PPFIA1: variants seen among roughly 807,000 people sequenced by gnomAD.
PPFIA1 encodes the protein PPFI scaffold protein A1.
A neutral mutation model predicts 149.9 loss-of-function variants in PPFIA1; 25 were observed. The observed-to-expected ratio is 0.17, with a 90% CI of 0.12 to 0.23. The LOEUF (loss-of-function observed/expected upper bound fraction) is 0.23, where lower values mean the gene tolerates loss of function less well. Among genes scored for constraint, PPFIA1 ranks in the 10% least tolerant of loss-of-function variants. The probability of loss-of-function intolerance (pLI) is 1.00; values close to 1 mark genes in which losing one functional copy is unlikely to be tolerated. For synonymous variants in PPFIA1, 549 were observed against 552.8 expected (o/e 0.99, Z 0.10); for missense variants, 1,362 against 1,506.5 (o/e 0.90, Z 1.59).
chr11:70,277,060 A>ATATATATATT lies in PPFIA1; in HGVS notation c.264+4625_264+4626insATATATATTT. 8.4e-4 allele frequency among the ~76,000 whole-genome samples: 56 copies of ATATATATATT among 66,312 alleles called. 1 individual carries two copies. The highest frequency in any genetic ancestry group is 5.5e-3 in the African/African-American group (47 of 8,534). 43.5% of individuals were successfully genotyped at this position (66,312 alleles called of 152,430 possible). A position where few individuals can be genotyped will look rare whatever the true frequency, so the allele number is the denominator to read the frequency against. On this transcript the variant is annotated intron_variant, in intron 2 of 27. Transcript: ENST00000253925. ...GAGATATATATATATATATATATAT[A>ATATATATATT]TTTTTTTTTTTCCAGGCACAGTCTC...
Position 70,284,957 on chromosome 11 carries a change from G to T in PPFIA1, c.264+12521G>T, listed in dbSNP as rs894461255. 3.9e-5 allele frequency among the ~76,000 whole-genome samples: 6 copies of T among 151,974 alleles called. No homozygotes were observed. In the South Asian group the frequency reaches 6.2e-4, roughly 16 times the overall value. Reference sequence around the variant, plus strand: ...CTTTGCGTGCATCGTGGCCTCAGGGGAGGGAATGATGTGATTTAGCTGCGT... The same window carrying T: ...CTTTGCGTGCATCGTGGCCTCAGGGTAGGGAATGATGTGATTTAGCTGCGT... On this transcript the variant is annotated intron_variant, in intron 2 of 27. Coordinates refer to ENST00000253925, the MANE Select transcript of PPFIA1 (RefSeq NM_003626.5).
chr11:70,312,258 A>C (rs2053332937), intron 2 of PPFIA1, among the ~76,000 whole-genome samples: 1 of 152,072 alleles, frequency 6.6e-6, no homozygotes, highest in South Asian at 2.1e-4. Flanking sequence ...TAGTGTGATC[A>C]TAGCTCACTG....
intron 2 of PPFIA1, among the ~76,000 whole-genome samples, chr11:70,309,633 T>TA (rs879503130): frequency 0.016 from 2,196 of 139,680 alleles, 48 homozygotes; most frequent in African/African-American, 0.052. Flanking sequence ...CAGTTTTGCC[T>TA]AAAAAAAAAA....
intron 26 of PPFIA1, among the ~76,000 whole-genome samples, chr11:70,379,335 G>A (rs1348877460): frequency 6.6e-6 from 1 of 152,026 alleles, no homozygotes; most frequent in African/African-American, 2.4e-5. Flanking sequence ...GCACATGCTT[G>A]TAATCCCAGC....
intron 2 of PPFIA1, among the ~76,000 whole-genome samples, chr11:70,318,970 A>C (rs1276038414): frequency 6.6e-6 from 1 of 152,228 alleles, no homozygotes; most frequent in Non-Finnish European, 1.5e-5. Flanking sequence ...TGCATGGAAC[A>C]AAATGATTAT....
chr11:70,367,526 A>G (rs2057004288), intron 21 of PPFIA1: 2 of 455,998 alleles, frequency 4.4e-6, no homozygotes, highest in South Asian at 3.1e-5. Context: ...GCTGGGAGTA[A>G]ACACTGTGCA....
chr11:70,328,547 C>T (rs1197709832), intron 7 of PPFIA1, among the ~76,000 whole-genome samples: 3 of 152,024 alleles, frequency 2.0e-5, no homozygotes, highest in Non-Finnish European at 2.9e-5. Context: ...CATACGTGTG[C>T]GTGTGTCTTT....
At chr11:70,284,039 T>C (rs1326824604) in intron 2 of PPFIA1, 1 of 531,406 alleles carries the variant, frequency 1.9e-6, no homozygotes, top group South Asian at 1.4e-5. Flanking sequence ...GCAATTATTT[T>C]TGCTTCAACC....
In PPFIA1 at chr11:70,340,197, C is replaced by T. The variant is rs2055240202; in HGVS notation, c.1707+891C>T. Among the ~76,000 whole-genome samples the T allele has an allele frequency of 1.3e-5, 2 of 151,460 alleles. 1 individual carries two copies. Among genetic ancestry groups the T allele is most frequent in the Non-Finnish European group, 2.9e-5 (2 of 67,866 alleles). On this transcript the variant is annotated intron_variant, in intron 14 of 27. Coordinates refer to ENST00000253925, the MANE Select transcript of PPFIA1 (RefSeq NM_003626.5). ...TAGTGTGTGCCTATAGTCCCAGCTA[C>T]TCAGGAGGCTGAGGCAGAAGGATCC...
intron 2 of PPFIA1, among the ~76,000 whole-genome samples, chr11:70,306,149 A>G (rs2052831545): frequency 1.3e-5 from 2 of 152,198 alleles, no homozygotes; most frequent in Admixed American, 1.3e-4. Flanking sequence ...TAAAACATGC[A>G]CGCACACATG....
At chr11:70,306,051 CA>C (rs1186976615) in intron 2 of PPFIA1, among the ~76,000 whole-genome samples, 3 of 152,158 alleles carry the variant, frequency 2.0e-5, no homozygotes, top group Non-Finnish European at 2.9e-5. Context: ...AATAGTAAGG[CA>C]GCCCTCATTT....
intron 2 of PPFIA1, among the ~76,000 whole-genome samples, chr11:70,275,370 C>T (rs1482086489): frequency 6.6e-6 from 1 of 152,106 alleles, no homozygotes; most frequent in African/African-American, 2.4e-5. Context: ...TGTTTTTAGA[C>T]TCTTGTGTTT....
chr11:70,372,032 G>T, intron 21 of PPFIA1, 183 bp from the exon 22 acceptor site: 1 of 449,958 alleles, frequency 2.2e-6, no homozygotes. Flanking sequence ...TATTCCTGTT[G>T]TATAAAAATT....
At chr11:70,326,548 A>G (rs762318530) in intron 6 of PPFIA1, 49 bp from the exon 7 acceptor site, 10 of 1,459,740 alleles carry the variant, frequency 6.9e-6, no homozygotes, top group South Asian at 3.6e-5. Flanking sequence ...TTTTTATTTT[A>G]TAGCTCACCA....
At chr11:70,323,468 C>T (rs895511843) in intron 2 of PPFIA1, among the ~76,000 whole-genome samples, 2 of 152,138 alleles carry the variant, frequency 1.3e-5, no homozygotes, top group African/African-American at 2.4e-5. Flanking sequence ...CCCATGACTC[C>T]ACTAGCCAGG....
chr11:70,377,106 C>T (rs1358708143), intron 25 of PPFIA1, among the ~76,000 whole-genome samples: 3 of 151,812 alleles, frequency 2.0e-5, no homozygotes, highest in Non-Finnish European at 2.9e-5. Context: ...AAAAAAAACC[C>T]ACAAAAGTAA....
rs79783940 is a variant in PPFIA1 at position 70,325,055 on chromosome 11, A to G, written c.531+44A>G. 5.9e-4 allele frequency: 892 copies of G among 1,515,132 alleles called. 6 individuals are homozygous for G. The African/African-American group carries it at 0.011, about 19-fold the overall frequency. The allele number at this position is 1,515,132 out of a possible 1,614,324, so 93.9% of individuals were successfully genotyped here. A position where few individuals can be genotyped will look rare whatever the true frequency, so the allele number is the denominator to read the frequency against. ...GTCTTGGTTTGTGCACATGCTGTGT[A>G]TTAGGCCAGCTTCACAAGTGTTGGT... On this transcript the variant is annotated intron_variant, in intron 4 of 27. Coordinates refer to ENST00000253925, the MANE Select transcript of PPFIA1 (RefSeq NM_003626.5).
chr11:70,359,974 C>T (rs2056553405), intron 19 of PPFIA1, among the ~76,000 whole-genome samples: 1 of 152,250 alleles, frequency 6.6e-6, no homozygotes, highest in Middle Eastern at 3.2e-3. Context: ...AAAACAGGGG[C>T]TCTGGTGTTC....
chr11:70,270,810 A>ACGCCGGC lies in PPFIA1; in HGVS notation c.-101_-95dup, dbSNP rs940925983. ...GCCGCGGCGTGGGGCGGGCAGGCGG[A>ACGCCGGC]CGCCGGCCGCGGGCTGCTTTCGTCG... is the stretch of plus-strand genomic sequence containing the variant. On this transcript the variant is annotated 5_prime_UTR_variant, in exon 1 of 28. Coordinates refer to ENST00000253925, the MANE Select transcript of PPFIA1 (RefSeq NM_003626.5). 2.0e-5 allele frequency: 3 copies of ACGCCGGC among 148,708 alleles called. No homozygotes were observed. The highest frequency in any genetic ancestry group is 4.5e-5 in the Non-Finnish European group (3 of 66,808). The allele number at this position is 148,708 out of a possible 1,614,324, so 9.2% of individuals were successfully genotyped here.
Sources: allele counts gnomAD v4.1 joint callset (sites outside exome capture counted in the v4.1 genomes callset), GRCh38; gene constraint gnomAD v4.1.1; transcripts MANE v1.5; gene names NCBI Gene and HGNC (gene_info 2026-07-23, HGNC 2026-07-21).